CAMSAP1: variants seen among roughly 807,000 people sequenced by gnomAD.
The protein encoded by CAMSAP1 is calmodulin-regulated spectrin-associated protein 1.
In CAMSAP1, 58 loss-of-function variants were observed where a neutral mutation model predicts 143.5. The ratio of observed to expected loss-of-function variants is 0.40; its 90% CI spans 0.33 to 0.50. The LOEUF (loss-of-function observed/expected upper bound fraction) is 0.50. Among genes scored for constraint, CAMSAP1 ranks in the 20% least tolerant of loss-of-function variants. CAMSAP1 has a pLI of 0.45. For missense variants in CAMSAP1, 1,969 were observed against 2,115.7 expected (o/e 0.93, Z 1.36); for synonymous variants, 945 against 859.3 (o/e 1.10, Z -1.74).
intron 7 of CAMSAP1, among the ~76,000 whole-genome samples, chr9:135,847,344 G>C (rs1282279480): frequency 6.6e-6 from 1 of 152,108 alleles, no homozygotes; most frequent in East Asian, 1.9e-4. Flanking sequence ...AGCAGAGTGA[G>C]ACTCTGTCTC....
rs143876143 is a variant in CAMSAP1, at chr9:135,817,300, G to T, written c.4271+677C>A. On this transcript the variant is annotated intron_variant, in intron 14 of 16. Coordinates refer to ENST00000389532, the MANE Select transcript of CAMSAP1 (RefSeq NM_015447.4). The stretch of plus-strand genomic sequence containing the variant: ...GTGCTGCCTTGGTAACTGGTAACAC[G>T]AGAAAACATTCTCGTTCTAGGAAAT... Among the ~76,000 whole-genome samples, 1,276 of 152,282 alleles carry T rather than the reference G, an allele frequency of 8.4e-3. 7 individuals carry two copies. Among genetic ancestry groups the T allele is most frequent in the Middle Eastern group, 0.017 (5 of 294 alleles).
chr9:135,888,184 A>G (rs1838183702), intron 1 of CAMSAP1, among the ~76,000 whole-genome samples: 1 of 152,224 alleles, frequency 6.6e-6, no homozygotes, highest in African/African-American at 2.4e-5. Flanking sequence ...CCGAACAACG[A>G]AAGGGTCTAT....
chr9:135,855,591 A>AT (rs1291970994), intron 5 of CAMSAP1, among the ~76,000 whole-genome samples: 1 of 151,770 alleles, frequency 6.6e-6, no homozygotes, highest in Admixed American at 6.6e-5. Flanking sequence ...ATATTAAAAA[A>AT]TTGGCCAGGT....
intron 14 of CAMSAP1, chr9:135,817,749 G>C (rs920512167): frequency 1.4e-5 from 7 of 513,160 alleles, no homozygotes; most frequent in Non-Finnish European, 2.5e-5. Flanking sequence ...GTGGGGTGGG[G>C]GACAGGGGAG....
chr9:135,876,775 G>C (rs1405275357), intron 3 of CAMSAP1, among the ~76,000 whole-genome samples: 1 of 152,202 alleles, frequency 6.6e-6, no homozygotes, highest in African/African-American at 2.4e-5. Context: ...TTGGGAGGCT[G>C]AGATGGGTGG....
intron 3 of CAMSAP1, among the ~76,000 whole-genome samples, chr9:135,876,140 C>T (rs1837740796): frequency 6.6e-6 from 1 of 152,156 alleles, no homozygotes; most frequent in Non-Finnish European, 1.5e-5. Context: ...TCAGTAGAGA[C>T]ACGGTTTCAC....
chr9:135,868,157 T>C (rs137966200), intron 3 of CAMSAP1, among the ~76,000 whole-genome samples: 8 of 150,282 alleles, frequency 5.3e-5, no homozygotes, highest in Admixed American at 4.0e-4. Context: ...GAGAATTCAG[T>C]AGAACTGCTT....
chr9:135,864,460 GA>G (rs1837305140), intron 4 of CAMSAP1, among the ~76,000 whole-genome samples: 1 of 152,176 alleles, frequency 6.6e-6, no homozygotes, highest in Non-Finnish European at 1.5e-5. Context: ...TCGCCTCGAG[GA>G]TGGACTTCAA....
At chr9:135,855,843 G>A (rs1463046396) in intron 5 of CAMSAP1, among the ~76,000 whole-genome samples, 2 of 151,924 alleles carry the variant, frequency 1.3e-5, no homozygotes, top group African/African-American at 4.8e-5. Context: ...ACAAGGTCAG[G>A]AGATCAAGAC....
Position 135,907,518 on chromosome 9 carries a change from G to A in CAMSAP1, c.-359C>T, listed in dbSNP as rs536679736. 1.5e-3 allele frequency among the ~76,000 whole-genome samples: 220 copies of A among 149,032 alleles called. No homozygotes were observed. Among genetic ancestry groups the A allele is most frequent in the Admixed American group, 3.1e-3 (47 of 15,006 alleles). On this transcript the variant is annotated 5_prime_UTR_variant, in exon 1 of 17. Coordinates refer to ENST00000389532, the MANE Select transcript of CAMSAP1 (RefSeq NM_015447.4). Reference sequence around the variant, plus strand: ...CGGCGGCGGCGGCGACAGCGGCTGAGGCGGTGGCCAAGGAGCGGGAGCGCG... The same window carrying A: ...CGGCGGCGGCGGCGACAGCGGCTGAAGCGGTGGCCAAGGAGCGGGAGCGCG...
chr9:135,811,742 C>T lies in CAMSAP1; in HGVS notation c.4507-131G>A, dbSNP rs1267726418. On this transcript the variant is annotated intron_variant, in intron 16 of 16. Transcript: ENST00000389532. This position sits in a 1 kb window ranked among gnomAD's most constrained non-coding sequence, Gnocchi z 4.9. The stretch of plus-strand genomic sequence containing the variant: ...TCTCCCACCCGTCAGCTACGGCCTG[C>T]CTGTTGTAAACAATTACAGCAGACC... The T allele has an allele frequency of 1.2e-5, 10 of 815,502 alleles. No individual in the cohort carries two copies. The highest frequency in any genetic ancestry group is 2.5e-5 in the Admixed American group (1 of 39,880). 50.5% of individuals were successfully genotyped at this position (815,502 alleles called of 1,614,324 possible). A position where few individuals can be genotyped will look rare whatever the true frequency, so the allele number is the denominator to read the frequency against.
rs1835538940 is a variant in CAMSAP1 at position 135,823,004 on chromosome 9, G to T, written c.1657C>A (p.Gln553Lys). 1.9e-6 allele frequency: 3 copies of T among 1,613,990 alleles called. No homozygotes were observed. The highest frequency in any genetic ancestry group is 2.5e-6 in the Non-Finnish European group (3 of 1,179,890). Reference protein sequence around the residue: ...VAIVRADVVPQQADPEFPRAS... With the variant: ...VAIVRADVVPKQADPEFPRAS... The stretch of plus-strand genomic sequence containing the variant: ...CTGGGGAACTCCGGGTCAGCCTGCT[G>T]GGGAACCACGTCTGCTCTAACAATA... Residue 553 changes from glutamine (Q) to lysine (K), a missense_variant, in exon 11 of 17, where the codon CAG becomes AAG. Physicochemically the swap from Gln to Lys is moderately conservative, Grantham distance 53 (BLOSUM62 1). This residue lies in a region of CAMSAP1 where 1,390 missense variants were observed against 1,420.8 expected (regional missense o/e 0.98). Transcript: ENST00000389532.
chr9:135,901,131 T>C (rs929200614), intron 1 of CAMSAP1, among the ~76,000 whole-genome samples: 5 of 152,184 alleles, frequency 3.3e-5, no homozygotes, highest in African/African-American at 1.2e-4. Context: ...AATATTCCTG[T>C]CAAGGGCACC....
At chr9:135,886,139 A>T (rs896690104) in intron 1 of CAMSAP1, among the ~76,000 whole-genome samples, 11 of 152,190 alleles carry the variant, frequency 7.2e-5, no homozygotes, top group Non-Finnish European at 1.5e-4. Flanking sequence ...AACCAGTAAG[A>T]CTGTTAGAAT....
intron 1 of CAMSAP1, among the ~76,000 whole-genome samples, chr9:135,890,815 A>C (rs1396773747): frequency 6.6e-6 from 1 of 152,246 alleles, no homozygotes; most frequent in Admixed American, 6.5e-5. Context: ...GCAAAATGAC[A>C]AGACATCATG....
intron 1 of CAMSAP1, among the ~76,000 whole-genome samples, chr9:135,903,320 T>C (rs1239462277): frequency 6.6e-6 from 1 of 152,212 alleles, no homozygotes; most frequent in Non-Finnish European, 1.5e-5. Context: ...TTTCAACATG[T>C]CCAATACATT....
At chr9:135,830,831 A>T (rs62584817) in intron 7 of CAMSAP1, among the ~76,000 whole-genome samples, 27 of 152,202 alleles carry the variant, frequency 1.8e-4, no homozygotes, top group Non-Finnish European at 3.2e-4. Context: ...GATCAAAATC[A>T]TGTCATGTAT....
chr9:135,906,549 G>A (rs189995756), intron 1 of CAMSAP1, among the ~76,000 whole-genome samples: 1 of 152,368 alleles, frequency 6.6e-6, no homozygotes, highest in Admixed American at 6.5e-5. Flanking sequence ...GAATTCAACA[G>A]CTGACAGCTT....
Position 135,882,146 on chromosome 9 carries a change from G to A in CAMSAP1, c.424-352C>T, listed in dbSNP as rs1434242440. On this transcript the variant is annotated intron_variant, in intron 2 of 16. Coordinates refer to ENST00000389532, the MANE Select transcript of CAMSAP1 (RefSeq NM_015447.4). The surrounding 1 kb of genome is among the most constrained non-coding windows in gnomAD (Gnocchi z 4.9). The stretch of plus-strand genomic sequence containing the variant: ...AGCTCCCAGGTCGTGGTTGTGGGAA[G>A]GCAGACAGGAGACCTGCCCCAGGCC... Among the ~76,000 whole-genome samples, 1 of 152,200 alleles carries A rather than the reference G, an allele frequency of 6.6e-6. No individual in the cohort carries two copies. Among genetic ancestry groups the A allele is most frequent in the Non-Finnish European group, 1.5e-5 (1 of 68,036 alleles).
Sources: allele counts gnomAD v4.1 joint callset (sites outside exome capture counted in the v4.1 genomes callset), GRCh38; gene constraint gnomAD v4.1.1; regional missense constraint gnomAD v4.1.1; non-coding constraint Gnocchi (gnomAD v3.1); transcripts MANE v1.5; gene names NCBI Gene and HGNC (gene_info 2026-07-23, HGNC 2026-07-21).